Variants in MEGF11 observed in about 807,000 individuals in gnomAD.
MEGF11 encodes multiple EGF like domains 11.
Under a neutral mutation model 146.6 loss-of-function variants are expected in MEGF11, and 126 were observed. That is an observed-to-expected ratio of 0.86 (90% confidence interval 0.74 to 1.00). The LOEUF (loss-of-function observed/expected upper bound fraction) is 1.00, where lower values mean the gene tolerates loss of function less well. Ranked by LOEUF, MEGF11 falls within the 50% of genes least tolerant of loss-of-function variation. The probability of loss-of-function intolerance (pLI) is 0.00; values close to 1 mark genes in which losing one functional copy is unlikely to be tolerated. For missense variants in MEGF11, 1,509 were observed against 1,521.2 expected (o/e 0.99, Z 0.13); for synonymous variants, 532 against 583.4 (o/e 0.91, Z 1.27).
chr15:66,240,054 A>G (rs1333793471), intron 1 of MEGF11, among the ~76,000 whole-genome samples: 1 of 151,836 alleles, frequency 6.6e-6, no homozygotes, highest in Non-Finnish European at 1.5e-5. Flanking sequence ...TCCTTGCCTC[A>G]CTTTCCTTTT....
intron 5 of MEGF11, among the ~76,000 whole-genome samples, chr15:65,990,302 A>G (rs189307100): frequency 4.5e-4 from 68 of 152,294 alleles, no homozygotes; most frequent in Middle Eastern, 3.4e-3. Context: ...TGTAATCCCA[A>G]CACTTTGAAA....
At chr15:66,115,801 C>T (rs7167565) in intron 4 of MEGF11, among the ~76,000 whole-genome samples, 22,916 of 152,164 alleles carry the variant, frequency 0.15, 1,998 homozygotes, top group East Asian at 0.33. Flanking sequence ...GGGAAGAACA[C>T]CATGTGACGA....
intron 5 of MEGF11, among the ~76,000 whole-genome samples, chr15:66,047,863 C>T (rs999165523): frequency 6.6e-6 from 1 of 151,962 alleles, no homozygotes; most frequent in Non-Finnish European, 1.5e-5. Context: ...GGGGCAGAAG[C>T]GTGGTCTGAA....
In MEGF11 at chr15:65,918,362, A is replaced by C. The variant is rs555099601; in HGVS notation, c.1958-268T>G. The stretch of plus-strand genomic sequence containing the variant: ...ACAGCCTGAGGCCCATGGAGGTAGA[A>C]TCACCTGACTTAGGTCTCACAGATG... On this transcript the variant is annotated intron_variant, in intron 15 of 25. Coordinates refer to ENST00000395614, the MANE Select transcript of MEGF11 (RefSeq NM_001385028.1). Among the ~76,000 whole-genome samples, 4 of 152,350 alleles carry C rather than the reference A, an allele frequency of 2.6e-5. No homozygotes were observed. In the South Asian group the frequency reaches 8.3e-4, roughly 32 times the overall value.
intron 1 of MEGF11, among the ~76,000 whole-genome samples, chr15:66,154,296 T>TCA (rs1555477037): frequency 1.2e-5 from 1 of 80,318 alleles, no homozygotes; most frequent in Non-Finnish European, 2.7e-5. Flanking sequence ...CTCCCCAACC[T>TCA]CGCGCTCGCC....
chr15:66,101,973 G>C (rs954830393), intron 4 of MEGF11, among the ~76,000 whole-genome samples: 3 of 152,200 alleles, frequency 2.0e-5, no homozygotes, highest in Admixed American at 6.5e-5. Flanking sequence ...AATCGCCCCA[G>C]GGTATTAGCC....
chr15:66,036,392 C>T (rs1336658857), intron 5 of MEGF11, among the ~76,000 whole-genome samples: 1 of 152,256 alleles, frequency 6.6e-6, no homozygotes, highest in Non-Finnish European at 1.5e-5. Flanking sequence ...CTCTGCATTG[C>T]TTTGCAGAAT....
At chr15:66,010,915 C>CCAT (rs5813372) in intron 5 of MEGF11, among the ~76,000 whole-genome samples, 102,625 of 151,732 alleles carry the variant, frequency 0.68, 35,375 homozygotes, top group Non-Finnish European at 0.75. Context: ...AAGTGGGAAG[C>CCAT]CATTGGGTGT....
At chr15:66,044,833 A>AT (rs2084131580) in intron 5 of MEGF11, among the ~76,000 whole-genome samples, 1 of 129,922 alleles carries the variant, frequency 7.7e-6, no homozygotes, top group Admixed American at 8.7e-5. Context: ...AGCCTGGATG[A>AT]CAGTGAGACC....
At chr15:65,980,643 C>T (rs934997345) in intron 7 of MEGF11, 135 bp downstream of exon 7, 31 of 1,234,390 alleles carry the variant, frequency 2.5e-5, no homozygotes, top group South Asian at 3.8e-5. Context: ...AAGTGATCTG[C>T]GGGCCTCGGC....
intron 1 of MEGF11, among the ~76,000 whole-genome samples, chr15:66,202,581 A>G (rs774812661): frequency 6.6e-6 from 1 of 152,200 alleles, no homozygotes; most frequent in Admixed American, 6.5e-5. Context: ...GGCCTCCCCA[A>G]CATCCTGCTC....
At chr15:66,031,874 C>T (rs333585) in intron 5 of MEGF11, among the ~76,000 whole-genome samples, 95,303 of 152,040 alleles carry the variant, frequency 0.63, 30,711 homozygotes, top group Non-Finnish European at 0.7. Context: ...GGAGTGGCTT[C>T]GTTATGAAAG....
chr15:66,075,974 T>G (rs930313797), intron 5 of MEGF11, among the ~76,000 whole-genome samples: 1 of 151,328 alleles, frequency 6.6e-6, no homozygotes. Context: ...AAGGGAAGGA[T>G]CTTATTCATC....
chr15:66,236,620 G>A (rs1332254106), intron 1 of MEGF11, among the ~76,000 whole-genome samples: 1 of 152,138 alleles, frequency 6.6e-6, no homozygotes, highest in Non-Finnish European at 1.5e-5. Context: ...ATTCCATGGG[G>A]GTGTGGAAAT....
intron 5 of MEGF11, among the ~76,000 whole-genome samples, chr15:66,084,657 T>TC (rs1002068016): frequency 1.3e-5 from 2 of 152,110 alleles, no homozygotes; most frequent in African/African-American, 4.8e-5. Flanking sequence ...GGCTTAGTGG[T>TC]CCCCAGGCAG....
intron 15 of MEGF11, among the ~76,000 whole-genome samples, chr15:65,918,965 C>T (rs1361095770): frequency 3.9e-5 from 6 of 152,188 alleles, no homozygotes; most frequent in African/African-American, 1.2e-4. Context: ...TCAGTGGATT[C>T]CCCATCGCCA....
chr15:65,942,053 GAGAGAGAACTATCCT>G (rs898775335), intron 10 of MEGF11, among the ~76,000 whole-genome samples: 1 of 151,906 alleles, frequency 6.6e-6, no homozygotes, highest in African/African-American at 2.4e-5. Context: ...TCCCTTCCTA[GAGAGAGAACTATCCT>G]AGAGAGGGTT....
At chr15:66,064,852 T>G (rs993906487) in intron 5 of MEGF11, among the ~76,000 whole-genome samples, 2 of 152,056 alleles carry the variant, frequency 1.3e-5, no homozygotes, top group Non-Finnish European at 2.9e-5. Flanking sequence ...TTTATATGGT[T>G]TTTTAAGTGC....
intron 5 of MEGF11, among the ~76,000 whole-genome samples, chr15:66,075,689 A>G (rs2085545266): frequency 6.6e-6 from 1 of 152,226 alleles, no homozygotes; most frequent in African/African-American, 2.4e-5. Context: ...GGCTCGGAGA[A>G]AAGGTCGGGA....
Sources: gnomAD v4.1 joint callset for allele counts (sites outside exome capture counted in the v4.1 genomes callset) on GRCh38, gnomAD v4.1.1 for gene constraint, MANE v1.5 for transcripts, NCBI Gene and HGNC (gene_info 2026-07-23, HGNC 2026-07-21) for gene names.